The following ME1 variants were observed in gnomAD, a reference collection of about 807,000 sequenced individuals.
ME1 encodes the protein malic enzyme 1.
In ME1, 74 loss-of-function variants were observed where a neutral mutation model predicts 66.4. The observed-to-expected ratio is 1.11, with a 90% CI of 0.92 to 1.35. The LOEUF (loss-of-function observed/expected upper bound fraction) is 1.35, where lower values mean the gene tolerates loss of function less well. Ranked by LOEUF, ME1 falls within the 40% of genes most tolerant of loss-of-function variation. The pLI is 0.00. For synonymous variants in ME1, 251 were observed against 235.6 expected, an observed-to-expected ratio of 1.07 and a Z score of -0.60; for missense variants, 750 against 694.1, an observed-to-expected ratio of 1.08 and a Z score of -0.90.
intron 13 of ME1, among the ~76,000 whole-genome samples, chr6:83,213,738 T>G (rs1314750107): frequency 6.6e-6 from 1 of 152,144 alleles, no homozygotes; most frequent in East Asian, 1.9e-4. Context: ...TCAAAGAATA[T>G]CAGAATGATT....
chr6:83,241,191 A>G (rs1790502538), intron 7 of ME1, among the ~76,000 whole-genome samples: 1 of 152,176 alleles, frequency 6.6e-6, no homozygotes, highest in Non-Finnish European at 1.5e-5. Context: ...CACTTACTAA[A>G]TAAGAAGTTA....
intron 6 of ME1, among the ~76,000 whole-genome samples, chr6:83,305,716 C>T (rs1767812682): frequency 6.6e-6 from 1 of 152,044 alleles, no homozygotes; most frequent in Non-Finnish European, 1.5e-5. Context: ...CACTGACTGT[C>T]AATACTAATG....
chr6:83,212,430 T>C (rs180890355), intron 13 of ME1, among the ~76,000 whole-genome samples: 4 of 152,274 alleles, frequency 2.6e-5, no homozygotes, highest in Admixed American at 2.0e-4. Flanking sequence ...AATACCTAAA[T>C]AGTCCTGCTA....
At chr6:83,321,783 C>T (rs1043764114) in intron 5 of ME1, among the ~76,000 whole-genome samples, 1 of 152,242 alleles carries the variant, frequency 6.6e-6, no homozygotes, top group Non-Finnish European at 1.5e-5. Flanking sequence ...CATCTCCCAG[C>T]ACAGCATTTG....
At chr6:83,377,102 T>C (rs1769306576) in intron 3 of ME1, among the ~76,000 whole-genome samples, 1 of 152,168 alleles carries the variant, frequency 6.6e-6, no homozygotes, top group Admixed American at 6.5e-5. Flanking sequence ...GTATCTCAGA[T>C]TAAATGACTT....
In ME1 at chr6:83,398,516, C is replaced by T. The variant is rs1769785603; in HGVS notation, c.213G>A (p.Arg71=). 1.3e-6 allele frequency: 2 copies of T among 1,513,030 alleles called. No individual in the cohort carries two copies. The highest frequency in any genetic ancestry group is 1.3e-5 in the South Asian group (1 of 79,986). The allele number at this position is 1,513,030 out of a possible 1,614,324, so 93.7% of individuals were successfully genotyped here. A position where few individuals can be genotyped will look rare whatever the true frequency, so the allele number is the denominator to read the frequency against. Residue 71 remains arginine (R), a splice_region_variant and synonymous_variant, in exon 3 of 14, where the codon AGG becomes AGA. Transcript: ENST00000369705. The part of the protein sequence containing the change: ...NFEHLNSDFD[R]YLLLMDLQDR... ...CTTGGAGATCCATTAAGAGAAGATA[C>T]CTGTAAAAATTGGACATAATTAGAT...
At chr6:83,228,716 G>C in intron 10 of ME1, 110 bp downstream of exon 10, 1 of 731,868 alleles carries the variant, frequency 1.4e-6, no homozygotes, top group Non-Finnish European at 2.4e-6. Flanking sequence ...GAGCGAACGT[G>C]TAGTTTTTTG....
chr6:83,211,796 A>G lies in ME1; in HGVS notation c.*128T>C, dbSNP rs550081237. ...AATTTATATCGATATTCTTCTATCA[A>G]TTTTTAGACTGTTAAAGTAAAATCT... On this transcript the variant is annotated 3_prime_UTR_variant, in exon 14 of 14. Transcript: ENST00000369705. 42 of 618,054 alleles carry G rather than the reference A, an allele frequency of 6.8e-5. No individual in the cohort carries two copies. The highest frequency in any genetic ancestry group is 6.6e-4 in the Admixed American group (17 of 25,656). The allele number at this position is 618,054 out of a possible 1,614,324, so 38.3% of individuals were successfully genotyped here.
intron 1 of ME1, among the ~76,000 whole-genome samples, chr6:83,417,941 A>C (rs1166810672): frequency 6.6e-6 from 1 of 152,224 alleles, no homozygotes; most frequent in African/African-American, 2.4e-5. Context: ...CATTGATTTA[A>C]GGAGACCACA....
intron 12 of ME1, among the ~76,000 whole-genome samples, chr6:83,221,088 A>G (rs1337653097): frequency 1.3e-5 from 2 of 150,746 alleles, no homozygotes; most frequent in Non-Finnish European, 2.9e-5. Flanking sequence ...TGAACCAGGG[A>G]GTTGGAGGTT....
At chr6:83,221,815 G>C (rs1790096624) in intron 12 of ME1, among the ~76,000 whole-genome samples, 1 of 152,114 alleles carries the variant, frequency 6.6e-6, no homozygotes, top group Admixed American at 6.5e-5. Context: ...ACTTAAAAGG[G>C]AGATGAAAAG....
In ME1 at chr6:83,284,133, A is replaced by G. The variant is rs911747148; in HGVS notation, c.705-30395T>C. On this transcript the variant is annotated intron_variant, in intron 6 of 13. Coordinates refer to ENST00000369705, the MANE Select transcript of ME1 (RefSeq NM_002395.6). ...TCTATGCACATGAACTAGAAAATCT[A>G]GAGAAAATGGATAAATTCCTGGAAA... is the stretch of plus-strand genomic sequence containing the variant. Among the ~76,000 whole-genome samples, 22 of 152,202 alleles carry G rather than the reference A, an allele frequency of 1.4e-4. 1 individual carries two copies. The highest frequency in any genetic ancestry group is 2.9e-5 in the Non-Finnish European group (2 of 68,034).
At chr6:83,359,739 C>T (rs895203715) in intron 3 of ME1, among the ~76,000 whole-genome samples, 1 of 152,158 alleles carries the variant, frequency 6.6e-6, no homozygotes, top group African/African-American at 2.4e-5. Flanking sequence ...AAGATATACC[C>T]TTGACCAATG....
intron 3 of ME1, among the ~76,000 whole-genome samples, chr6:83,380,531 A>G (rs971726599): frequency 6.6e-6 from 1 of 152,128 alleles, no homozygotes; most frequent in Non-Finnish European, 1.5e-5. Flanking sequence ...AAAGGACAAA[A>G]GAGACTCAAT....
At chr6:83,312,523 A>T (rs746319758) in intron 6 of ME1, among the ~76,000 whole-genome samples, 90 of 152,304 alleles carry the variant, frequency 5.9e-4, no homozygotes, top group African/African-American at 2.2e-3. Flanking sequence ...CAAGATGGCA[A>T]ATAAAAAAAA....
At chr6:83,322,987 T>A (rs1429225161) in intron 5 of ME1, among the ~76,000 whole-genome samples, 4 of 151,790 alleles carry the variant, frequency 2.6e-5, no homozygotes, top group Non-Finnish European at 5.9e-5. Flanking sequence ...CCGAAGAGAG[T>A]GGGGGCCAAC....
chr6:83,280,705 C>G (rs578121976), intron 6 of ME1, among the ~76,000 whole-genome samples: 1 of 152,056 alleles, frequency 6.6e-6, no homozygotes, highest in Non-Finnish European at 1.5e-5. Context: ...AGAATTGATC[C>G]AACAACTACA....
At chr6:83,405,724 T>TGTTC (rs1373215905) in intron 2 of ME1, among the ~76,000 whole-genome samples, 1 of 143,062 alleles carries the variant, frequency 7.0e-6, no homozygotes, top group East Asian at 2.1e-4. Flanking sequence ...TTGTTGTTGT[T>TGTTC]TTTTTTTTTT....
At chr6:83,250,298 A>G (rs537054219) in intron 7 of ME1, among the ~76,000 whole-genome samples, 1 of 152,142 alleles carries the variant, frequency 6.6e-6, no homozygotes, top group South Asian at 2.1e-4. Flanking sequence ...AGGCTATTAC[A>G]TATATTTTTT....
Sources: allele counts gnomAD v4.1 joint callset (sites outside exome capture counted in the v4.1 genomes callset), GRCh38; gene constraint gnomAD v4.1.1; transcripts MANE v1.5; gene names NCBI Gene and HGNC (gene_info 2026-07-23, HGNC 2026-07-21).